GARS1: variants seen among roughly 807,000 people sequenced by gnomAD.
GARS1 encodes glycyl-tRNA synthetase 1.
GARS1 carries 46 observed loss-of-function variants against 86.4 expected under a neutral mutation model. The observed-to-expected ratio is 0.53, with a 90% CI of 0.42 to 0.68. The LOEUF is 0.68. Ranked by LOEUF, GARS1 falls within the 30% of genes least tolerant of loss-of-function variation. The pLI is 0.00. For missense variants in GARS1, 797 were observed against 915.6 expected (o/e 0.87, Z 1.67); for synonymous variants, 342 against 329.8 (o/e 1.04, Z -0.40).
chr7:30,597,841 T>C (rs997715263), intron 1 of GARS1, among the ~76,000 whole-genome samples: 4 of 152,232 alleles, frequency 2.6e-5, no homozygotes, highest in African/African-American at 4.8e-5. Flanking sequence ...GCCCAAGGGC[T>C]ATATCAATTT....
chr7:30,620,306 C>T lies in GARS1; in HGVS notation c.1360-1087C>T, dbSNP rs1353704540. Reference sequence around the variant, plus strand: ...ATAAACAATGGACATTGATTTCTCACCGTTCTGGAGGCTGGAATTGAGAGA... The same window carrying T: ...ATAAACAATGGACATTGATTTCTCATCGTTCTGGAGGCTGGAATTGAGAGA... On this transcript the variant is annotated intron_variant, in intron 10 of 16. Coordinates refer to ENST00000389266, the MANE Select transcript of GARS1 (RefSeq NM_002047.4). 2.6e-5 allele frequency among the ~76,000 whole-genome samples: 4 copies of T among 152,146 alleles called. No individual in the cohort carries two copies. In the East Asian group the frequency reaches 7.7e-4, roughly 29 times the overall value.
rs891118401 is a variant in GARS1 at position 30,631,097 on chromosome 7, C to T, written c.1810-351C>T. On this transcript the variant is annotated intron_variant, in intron 14 of 16. Coordinates refer to ENST00000389266, the MANE Select transcript of GARS1 (RefSeq NM_002047.4). ...CTTTTATGTGGAACCAAAAAATTAC[C>T]GTCTTTTATATACAGTAGCTTTCAG... 3.8e-5 allele frequency: 8 copies of T among 212,648 alleles called. No homozygotes were observed. The South Asian group carries it at 5.1e-4, about 14-fold the overall frequency. The allele number at this position is 212,648 out of a possible 1,614,324, so 13.2% of individuals were successfully genotyped here. A position where few individuals can be genotyped will look rare whatever the true frequency, so the allele number is the denominator to read the frequency against.
In GARS1 at chr7:30,616,016, A is replaced by G; in HGVS notation, c.1152A>G (p.Gly384=). ...YLYSAKAQVS[G]QSARKMRLGD... is the part of the protein sequence containing the mutation. ...ATTCAGCAAAAGCCCAGGTCAGCGG[A>G]CAGTCCGCTCGGAAAATGCGCCTGG... The change falls in exon 9 of 17, where the codon GGA becomes GGG. Residue 384 remains glycine, a synonymous_variant. Coordinates refer to ENST00000389266, the MANE Select transcript of GARS1 (RefSeq NM_002047.4). 1 of 1,614,200 alleles carries G rather than the reference A, an allele frequency of 6.2e-7. No individual in the cohort carries two copies. The highest frequency in any genetic ancestry group is 8.5e-7 in the Non-Finnish European group (1 of 1,180,040).
chr7:30,594,864 G>A (rs1378592736), upstream of GARS1: 10 of 1,418,616 alleles, frequency 7.0e-6, no homozygotes, highest in Non-Finnish European at 5.7e-6. Context: ...GCTCCGAGCC[G>A]GGCGGCGCGC....
At position 30,595,016 on chromosome 7, in the gene GARS1, T is replaced by C. The variant is rs863223328; in HGVS notation, c.95T>C (p.Leu32Pro). The C allele has an allele frequency of 6.3e-6, 10 of 1,578,990 alleles. No individual in the cohort carries two copies. Among genetic ancestry groups the C allele is most frequent in the Non-Finnish European group, 8.5e-6 (10 of 1,170,408 alleles). ...PRLLARPSLL[L>P]RRSLSAASCP... ...CTCTTAGCCCGACCCTCGCTCCTGC[T>C]CCGCCGGTCCCTCAGCGCGGCCTCC... Residue 32 changes from leucine to proline, a missense_variant, in exon 1 of 17, where the codon CTC (leucine) becomes CCC (proline). Leu to Pro is a moderately conservative substitution (Grantham distance 98). Around this residue, in one of 2 missense-constraint regions of GARS1, gnomAD observed 199 missense variants for 176.9 expected, o/e 1.12. Transcript: ENST00000389266.
At chr7:30,618,382 C>G (rs1379838942) in intron 10 of GARS1, among the ~76,000 whole-genome samples, 1 of 152,102 alleles carries the variant, frequency 6.6e-6, no homozygotes, top group Non-Finnish European at 1.5e-5. Flanking sequence ...GCTTGTAATC[C>G]TAGCACTTTG....
intron 1 of GARS1, among the ~76,000 whole-genome samples, chr7:30,597,532 T>C (rs1415987518): frequency 6.6e-6 from 1 of 152,220 alleles, no homozygotes; most frequent in Admixed American, 6.5e-5. Flanking sequence ...CATTGGTCTT[T>C]TAGGATTTTT....
Position 30,623,709 on chromosome 7 carries a change from A to G in GARS1, c.1613+1247A>G, listed in dbSNP as rs1390362971. Among the ~76,000 whole-genome samples the G allele has an allele frequency of 5.3e-5, 8 of 152,336 alleles. No homozygotes were observed. In the South Asian group the frequency reaches 1.2e-3, roughly 24 times the overall value. Reference sequence around the variant, plus strand: ...CAAATTTGATGAAAACGCTAAAACTACAGATTCAAGAAGCTTAGCCCCAAG... The same window carrying G: ...CAAATTTGATGAAAACGCTAAAACTGCAGATTCAAGAAGCTTAGCCCCAAG... On this transcript the variant is annotated intron_variant, in intron 12 of 16. Transcript: ENST00000389266.
chr7:30,616,170 T>C, intron 9 of GARS1, 112 bp downstream of exon 9: 1 of 1,148,986 alleles, frequency 8.7e-7, no homozygotes, highest in Non-Finnish European at 1.3e-6. Flanking sequence ...AGTCATTTGC[T>C]TTTTTACAGT....
In GARS1 at chr7:30,609,613, C is replaced by T. The variant is rs765478968; in HGVS notation, c.764C>T (p.Ala255Val). Residue 255 changes from alanine to valine, a missense_variant, in exon 7 of 17, where the codon GCG becomes GTG. Physicochemically the swap from Ala to Val is moderately conservative, Grantham distance 64 (BLOSUM62 0). Transcript: ENST00000389266. ...GATAACTATGGACAGCAAGAACTTG[C>T]GGATCTTTTTGTGAACTATAATGTA... ...QLDNYGQQEL[A>V]DLFVNYNVKS... 77 of 1,612,958 alleles carry T rather than the reference C, an allele frequency of 4.8e-5. No homozygotes were observed. The highest frequency in any genetic ancestry group is 3.3e-4 in the East Asian group (15 of 44,802).
chr7:30,613,172 C>T (rs1034757295), intron 8 of GARS1, among the ~76,000 whole-genome samples: 1 of 152,142 alleles, frequency 6.6e-6, no homozygotes, highest in African/African-American at 2.4e-5. Context: ...ATGATGCCAT[C>T]TGGGAGAAGA....
intron 6 of GARS1, among the ~76,000 whole-genome samples, chr7:30,606,918 T>A (rs779383367): frequency 1.3e-5 from 2 of 152,236 alleles, no homozygotes; most frequent in Non-Finnish European, 2.9e-5. Context: ...ATATTAATCT[T>A]AAATCTCTCT....
intron 5 of GARS1, 74 bp from the exon 6 acceptor site, chr7:30,603,422 T>A (rs762131009): frequency 4.3e-5 from 51 of 1,189,496 alleles, no homozygotes; most frequent in Non-Finnish European, 6.1e-5. Flanking sequence ...ACTTTTTAAT[T>A]GTCTAGCATT....
At chr7:30,618,753 A>G (rs907570797) in intron 10 of GARS1, among the ~76,000 whole-genome samples, 1 of 152,210 alleles carries the variant, frequency 6.6e-6, no homozygotes, top group Non-Finnish European at 1.5e-5. Context: ...TAATATGCAT[A>G]TGTTTATAAA....
At chr7:30,631,155 C>G (rs1258516595) in intron 14 of GARS1, 2 of 326,352 alleles carry the variant, frequency 6.1e-6, no homozygotes, top group Non-Finnish European at 1.2e-5. Context: ...TTTTTAGTAA[C>G]GGGCTTGTGA....
chr7:30,615,377 T>C (rs1281668793), intron 8 of GARS1, among the ~76,000 whole-genome samples: 1 of 152,246 alleles, frequency 6.6e-6, no homozygotes, highest in African/African-American at 2.4e-5. Flanking sequence ...TGTATACTTA[T>C]AAAGACTTGC....
chr7:30,610,937 T>G (rs557293015), intron 7 of GARS1, among the ~76,000 whole-genome samples: 47 of 152,304 alleles, frequency 3.1e-4, no homozygotes, highest in Non-Finnish European at 5.9e-4. Flanking sequence ...GTATAAACTT[T>G]ACTTACATTT....
intron 13 of GARS1, 44 bp downstream of exon 13, chr7:30,626,363 A>G: frequency 8.2e-7 from 1 of 1,212,740 alleles, no homozygotes; most frequent in Non-Finnish European, 1.2e-6. Flanking sequence ...TGCTCCTTAA[A>G]GCTTTTGTTG....
intron 1 of GARS1, 53 bp from the exon 2 acceptor site, chr7:30,598,743 C>A: frequency 6.9e-7 from 1 of 1,452,418 alleles, no homozygotes; most frequent in Non-Finnish European, 9.7e-7. Flanking sequence ...ACATTCCTAA[C>A]ATTTCTTAAC....
Sources: allele counts gnomAD v4.1 joint callset (sites outside exome capture counted in the v4.1 genomes callset), GRCh38; gene constraint gnomAD v4.1.1; regional missense constraint gnomAD v4.1.1; transcripts MANE v1.5; gene names NCBI Gene and HGNC (gene_info 2026-07-23, HGNC 2026-07-21).